The following PLXNA4 variants were observed in gnomAD, a reference collection of about 807,000 sequenced individuals.
PLXNA4 encodes plexin A4, also known as plexin-A4.
In PLXNA4, 44 loss-of-function variants were observed where a neutral mutation model predicts 191.8. The ratio of observed to expected loss-of-function variants is 0.23; its 90% CI spans 0.18 to 0.29. The LOEUF is 0.29. Among genes scored for constraint, PLXNA4 ranks in the 10% least tolerant of loss-of-function variants. PLXNA4 has a pLI of 1.00. For missense variants in PLXNA4, 1,800 were observed against 2,488.8 expected, an observed-to-expected ratio of 0.72 and a Z score of 5.89; for synonymous variants, 1,082 against 1,009.5, an observed-to-expected ratio of 1.07 and a Z score of -1.36.
At chr7:132,213,352 C>T (rs542873361) in intron 9 of PLXNA4, among the ~76,000 whole-genome samples, 2 of 152,252 alleles carry the variant, frequency 1.3e-5, no homozygotes, top group African/African-American at 2.4e-5. Context: ...TCCTTAAAAC[C>T]GGTTCAGATG....
At chr7:132,610,519 A>G (rs1367920928) in intron 2 of PLXNA4, among the ~76,000 whole-genome samples, 2 of 152,204 alleles carry the variant, frequency 1.3e-5, no homozygotes, top group African/African-American at 2.4e-5. Context: ...GCTGAATTTC[A>G]TCTTATTCAG....
chr7:132,579,195 G>T (rs1802352832), upstream of PLXNA4, among the ~76,000 whole-genome samples: 1 of 152,080 alleles, frequency 6.6e-6, no homozygotes, highest in Non-Finnish European at 1.5e-5. Flanking sequence ...TGACAGCCCG[G>T]ATAGCCCCAT....
At chr7:132,553,243 T>G (rs1369054057) in intron 1 of PLXNA4, among the ~76,000 whole-genome samples, 1 of 152,190 alleles carries the variant, frequency 6.6e-6, no homozygotes, top group Non-Finnish European at 1.5e-5. Context: ...TTTCCTGGAA[T>G]GACAGGGAGG....
intron 3 of PLXNA4, among the ~76,000 whole-genome samples, chr7:132,467,362 T>C (rs1434672385): frequency 2.0e-5 from 3 of 152,164 alleles, no homozygotes; most frequent in African/African-American, 7.2e-5. Context: ...GGGTTCCGCC[T>C]GAGACCGTGG....
At chr7:132,551,311 T>C (rs541574274) in intron 1 of PLXNA4, among the ~76,000 whole-genome samples, 8 of 152,192 alleles carry the variant, frequency 5.3e-5, no homozygotes, top group African/African-American at 1.9e-4. Flanking sequence ...AGCCACAACA[T>C]GGAAGGAACC....
At chr7:132,217,897 CTTTT>C (rs138576612) in intron 9 of PLXNA4, among the ~76,000 whole-genome samples, 134 of 43,406 alleles carry the variant, frequency 3.1e-3, no homozygotes, top group South Asian at 0.013. Context: ...GCTGGATTTG[CTTTT>C]TTTTTTTTTT....
chr7:132,211,493 A>C (rs1797799979), intron 9 of PLXNA4, among the ~76,000 whole-genome samples: 1 of 152,066 alleles, frequency 6.6e-6, no homozygotes, highest in Non-Finnish European at 1.5e-5. Context: ...CCCACTGGGG[A>C]CTGATGATTT....
chr7:132,319,583 T>G (rs1412250699), intron 3 of PLXNA4, among the ~76,000 whole-genome samples: 1 of 152,198 alleles, frequency 6.6e-6, no homozygotes, highest in Admixed American at 6.5e-5. Flanking sequence ...TTTCCTACTC[T>G]CCAAACACAT....
intron 3 of PLXNA4, among the ~76,000 whole-genome samples, chr7:132,477,322 C>CA (rs1380402602): frequency 3.9e-5 from 6 of 152,058 alleles, no homozygotes; most frequent in African/African-American, 1.2e-4. Flanking sequence ...TTGGCTGGGC[C>CA]AAAAAAATGG....
intron 6 of PLXNA4, among the ~76,000 whole-genome samples, chr7:132,227,873 G>A (rs558970570): frequency 1.6e-4 from 24 of 152,278 alleles, no homozygotes; most frequent in Middle Eastern, 3.4e-3. Flanking sequence ...AGGGATTTGC[G>A]TGGTGCCATT....
intron 2 of PLXNA4, among the ~76,000 whole-genome samples, chr7:132,602,520 A>G (rs1398837592): frequency 6.6e-6 from 1 of 152,244 alleles, no homozygotes; most frequent in South Asian, 2.1e-4. Context: ...CCTGATTTAC[A>G]TTAAAAAATA....
At chr7:132,271,675 T>C (rs1800078803) in intron 4 of PLXNA4, among the ~76,000 whole-genome samples, 1 of 152,040 alleles carries the variant, frequency 6.6e-6, no homozygotes, top group African/African-American at 2.4e-5. Context: ...CATGAAATGA[T>C]GGATGTAACT....
chr7:132,647,508 C>A (rs1803898630), intron 1 of PLXNA4, among the ~76,000 whole-genome samples: 1 of 151,930 alleles, frequency 6.6e-6, no homozygotes. Flanking sequence ...CACTTCCATA[C>A]ACTCAAAAAC....
intron 29 of PLXNA4, among the ~76,000 whole-genome samples, chr7:132,142,412 C>G (rs114976046): frequency 6.6e-6 from 1 of 152,170 alleles, no homozygotes; most frequent in Admixed American, 6.5e-5. Context: ...TTGGCTTGCT[C>G]GTTAGAACTT....
At chr7:132,503,635 G>A (rs1257311608) in intron 2 of PLXNA4, among the ~76,000 whole-genome samples, 1 of 152,220 alleles carries the variant, frequency 6.6e-6, no homozygotes. Context: ...GCCTCAGGGA[G>A]CCTGGATGGC....
chr7:132,562,910 C>T (rs1188881094), intron 1 of PLXNA4, among the ~76,000 whole-genome samples: 3 of 117,434 alleles, frequency 2.6e-5, no homozygotes, highest in Admixed American at 8.0e-5. Context: ...CCCTCCTCCT[C>T]CTCTTCCTCC....
chr7:132,348,266 C>A (rs1017434414), intron 3 of PLXNA4, among the ~76,000 whole-genome samples: 20 of 152,142 alleles, frequency 1.3e-4, no homozygotes, highest in African/African-American at 4.8e-4. Context: ...CAATCTTTTC[C>A]AATCTTCTAT....
intron 2 of PLXNA4, among the ~76,000 whole-genome samples, chr7:132,639,908 G>T (rs1803680743): frequency 6.6e-6 from 1 of 152,202 alleles, no homozygotes; most frequent in Non-Finnish European, 1.5e-5. Flanking sequence ...TCCAGCCCCA[G>T]CCCTTTCTCT....
At chr7:132,373,723 T>C (rs962082851) in intron 3 of PLXNA4, among the ~76,000 whole-genome samples, 17 of 152,086 alleles carry the variant, frequency 1.1e-4, no homozygotes, top group African/African-American at 4.1e-4. Flanking sequence ...CTTTAAATAA[T>C]GAGGTGCCCA....
Sources: gnomAD v4.1 joint callset for allele counts (sites outside exome capture counted in the v4.1 genomes callset) on GRCh38, gnomAD v4.1.1 for gene constraint, MANE v1.5 for transcripts, NCBI Gene and HGNC (gene_info 2026-07-23, HGNC 2026-07-21) for gene names.